The following ZNF624 variants were observed in gnomAD, a reference collection of about 807,000 sequenced individuals.
ZNF624 encodes the protein zinc finger protein 624.
Under a neutral mutation model 74.7 loss-of-function variants are expected in ZNF624, and 43 were observed. The observed-to-expected ratio is 0.58, with a 90% CI of 0.45 to 0.74. The LOEUF is 0.74. Among genes scored for constraint, ZNF624 ranks in the 30% least tolerant of loss-of-function variants. The pLI, the probability that ZNF624 is intolerant of heterozygous loss-of-function variation, is 0.00. For synonymous variants in ZNF624, 331 were observed against 341.3 expected, an observed-to-expected ratio of 0.97 and a Z score of 0.33; for missense variants, 820 against 1,030.0, an observed-to-expected ratio of 0.80 and a Z score of 2.79.
At chr17:16,617,811 C>T, downstream of ZNF624, 1 of 1,612,030 alleles carries the variant, frequency 6.2e-7, no homozygotes, top group Non-Finnish European at 8.5e-7. Flanking sequence ...GCGGCCATAG[C>T]CACTGAAAAA....
Position 16,622,748 on chromosome 17 carries a change from G to A in ZNF624, c.2138C>T (p.Thr713Ile). ...KVFTSNSGFNTHQRTHTGEKP... is the reference protein window; with the variant it reads ...KVFTSNSGFNIHQRTHTGEKP... ...CTCTCCAGTATGTGTTCTTTGATGT[G>A]TATTAAAGCCTGAGTTACTTGTGAA... is the stretch of plus-strand genomic sequence containing the variant. Residue 713 changes from threonine to isoleucine, a missense_variant, in exon 6 of 6, where the codon ACA becomes ATA. Transcript: ENST00000311331. 6.2e-7 allele frequency: 1 copy of A among 1,613,406 alleles called. No homozygotes were observed. The highest frequency in any genetic ancestry group is 1.1e-5 in the South Asian group (1 of 91,058).
downstream of ZNF624, among the ~76,000 whole-genome samples, chr17:16,618,235 A>C (rs886067521): frequency 6.6e-6 from 1 of 152,010 alleles, no homozygotes; most frequent in Non-Finnish European, 1.5e-5. Context: ...AATCCCAACT[A>C]CTCGGGAGGC....
At chr17:16,627,986 T>C (rs1237765000) in intron 5 of ZNF624, among the ~76,000 whole-genome samples, 6 of 152,106 alleles carry the variant, frequency 3.9e-5, no homozygotes, top group African/African-American at 2.4e-5. Context: ...ACGCTGGGCA[T>C]AGTGGCTCAC....
At chr17:16,617,878 G>C, downstream of ZNF624, 1 of 1,593,644 alleles carries the variant, frequency 6.3e-7, no homozygotes, top group Non-Finnish European at 8.6e-7. Flanking sequence ...TAGACGCGCG[G>C]CATGTCCGTG....
At chr17:16,647,473 C>T in intron 2 of ZNF624, 79 bp from the exon 3 acceptor site, 1 of 1,184,870 alleles carries the variant, frequency 8.4e-7, no homozygotes, top group Non-Finnish European at 1.3e-6. Flanking sequence ...CACCACCAAT[C>T]CACTGTGGAT....
chr17:16,638,212 C>T (rs1299841716), intron 3 of ZNF624, among the ~76,000 whole-genome samples: 1 of 152,120 alleles, frequency 6.6e-6, no homozygotes, highest in Non-Finnish European at 1.5e-5. Context: ...AGTCAGGAAA[C>T]AACAGGTGCT....
At position 16,649,712 on chromosome 17, in the gene ZNF624, C is replaced by G; in HGVS notation, c.33G>C (p.Glu11Asp). Residue 11 changes from glutamate to aspartate, a missense_variant, in exon 2 of 6, where the codon GAG becomes GAC. Transcript: ENST00000311331. MSLQDSTLSR[E>D]GKPEGEIMAA... ...CCATAATCTCTCCCTCTGGTTTCCC[C>G]TCTCTGGAAAGAGTGGAGTCTTGCA... The G allele has an allele frequency of 6.2e-7, 1 of 1,614,044 alleles. No individual in the cohort carries two copies.
In ZNF624 at chr17:16,647,328, C is replaced by T; in HGVS notation, c.153+1G>A. ...ATTATATGTACAACAGTAGGTATTA[C>T]CTTTACCAATTGTGTTTCTTCTGCC... On this transcript the variant is annotated splice_donor_variant, in intron 3 of 5. Transcript: ENST00000311331. LOFTEE classifies it high-confidence loss of function. The T allele has an allele frequency of 6.2e-7, 1 of 1,613,354 alleles. No individual in the cohort carries two copies. The highest frequency in any genetic ancestry group is 8.5e-7 in the Non-Finnish European group (1 of 1,179,290).
At chr17:16,638,914 C>T (rs1909402862) in intron 3 of ZNF624, among the ~76,000 whole-genome samples, 1 of 152,186 alleles carries the variant, frequency 6.6e-6, no homozygotes, top group Middle Eastern at 3.4e-3. Flanking sequence ...AACTACTCTC[C>T]CCACTTCTGT....
chr17:16,635,382 G>C (rs558995249), intron 3 of ZNF624, among the ~76,000 whole-genome samples: 4 of 152,196 alleles, frequency 2.6e-5, no homozygotes, highest in South Asian at 4.2e-4. Context: ...AGAAAAGAGG[G>C]AGTAGAGCGG....
intron 3 of ZNF624, among the ~76,000 whole-genome samples, 185 bp from the exon 4 acceptor site, chr17:16,634,941 G>A (rs187055133): frequency 6.6e-6 from 1 of 152,292 alleles, no homozygotes; most frequent in East Asian, 1.9e-4. Flanking sequence ...ACCATAATAT[G>A]CTGCCTATAT....
Position 16,649,661 on chromosome 17 carries a change from G to T in ZNF624, c.84C>A (p.Arg28=). 6.2e-7 allele frequency: 1 copy of T among 1,613,810 alleles called. No individual in the cohort carries two copies. ...AAAACAGGGAATCCCAACTTACCAG[G>T]CGTCCAACTGAGAAAAACACAGCAG... ...IMAAVFFSVG[R]LSPEVTQPDE... is the part of the protein sequence containing the mutation. The change falls in exon 2 of 6, where the codon CGC becomes CGA. Residue 28 remains arginine, a synonymous_variant. Transcript: ENST00000311331.
At chr17:16,617,119 C>T (rs4792757), downstream of ZNF624, 5 of 1,612,558 alleles carry the variant, frequency 3.1e-6, no homozygotes, top group Admixed American at 1.7e-5. Context: ...ATGGGAGCCC[C>T]GATCAGACTT....
At chr17:16,649,779 C>T (rs773878614) in intron 1 of ZNF624, 33 bp from the exon 2 acceptor site, 2 of 1,569,756 alleles carry the variant, frequency 1.3e-6, no homozygotes, top group East Asian at 4.5e-5. Context: ...GGAAACCAAT[C>T]CTGCCTGGGG....
chr17:16,618,272 C>T (rs995691173), downstream of ZNF624, among the ~76,000 whole-genome samples: 3 of 152,032 alleles, frequency 2.0e-5, no homozygotes, highest in African/African-American at 7.2e-5. Context: ...CGAGATTGTG[C>T]CACTGCACTC....
At chr17:16,634,345 T>C (rs532090318) in intron 4 of ZNF624, among the ~76,000 whole-genome samples, 1 of 152,318 alleles carries the variant, frequency 6.6e-6, no homozygotes, top group African/African-American at 2.4e-5. Context: ...TGAATACATT[T>C]GTTTCTTTCT....
At chr17:16,624,582 A>G in intron 5 of ZNF624, 73 bp from the exon 6 acceptor site, 1 of 1,309,050 alleles carries the variant, frequency 7.6e-7, no homozygotes, top group Non-Finnish European at 1.0e-6. Flanking sequence ...AGAATAATAA[A>G]AGCAATAAAT....
At chr17:16,650,754 A>C (rs539979868) in intron 1 of ZNF624, among the ~76,000 whole-genome samples, 11 of 152,262 alleles carry the variant, frequency 7.2e-5, no homozygotes, top group African/African-American at 2.4e-4. Context: ...AATAAGTATT[A>C]AGTTTTTGTA....
At chr17:16,651,401 G>A (rs1158230779) in intron 1 of ZNF624, among the ~76,000 whole-genome samples, 1 of 149,642 alleles carries the variant, frequency 6.7e-6, no homozygotes, top group African/African-American at 2.5e-5. Context: ...CTGCACTCCT[G>A]CCTGGGCGAC....
Sources: gnomAD v4.1 joint callset for allele counts (sites outside exome capture counted in the v4.1 genomes callset) on GRCh38, gnomAD v4.1.1 for gene constraint, MANE v1.5 for transcripts, NCBI Gene and HGNC (gene_info 2026-07-23, HGNC 2026-07-21) for gene names.